Variants in SUMF1 observed in about 807,000 individuals in gnomAD.
SUMF1 encodes formylglycine-generating enzyme.
In SUMF1, 48 loss-of-function variants were observed where a neutral mutation model predicts 47.6. The ratio of observed to expected loss-of-function variants is 1.01; its 90% CI spans 0.80 to 1.28. The LOEUF (loss-of-function observed/expected upper bound fraction) is 1.28. Ranked by LOEUF, SUMF1 falls within the 50% of genes most tolerant of loss-of-function variation. The pLI, the probability that SUMF1 is intolerant of heterozygous loss-of-function variation, is 0.00. For synonymous variants in SUMF1, 230 were observed against 192.1 expected (o/e 1.20, Z -1.63); for missense variants, 571 against 485.4 (o/e 1.18, Z -1.66).
rs1428957786 is a variant in SUMF1, at chr3:4,091,085, A to G, written c.1015-22340T>C. Among the ~76,000 whole-genome samples the G allele has an allele frequency of 2.1e-5, 3 of 144,060 alleles. No homozygotes were observed. In the East Asian group the frequency reaches 6.1e-4, roughly 29 times the overall value. The allele number at this position is 144,060 out of a possible 152,430, so 94.5% of individuals were successfully genotyped here. On this transcript the variant is annotated intron_variant and NMD_transcript_variant, in intron 8 of 12. Coordinates refer to the SUMF1 transcript ENST00000448413. ...GACAGAACGAGACTCCATAAAAAAC[A>G]ACAACAACAACAAAAAAAAAAACAA...
At chr3:4,418,271 G>C (rs1309004030) in intron 4 of SUMF1, 139 bp from the exon 5 acceptor site, 3 of 1,288,758 alleles carry the variant, frequency 2.3e-6, no homozygotes. Flanking sequence ...TCAAACCCCA[G>C]CCATGCTACA....
At chr3:4,274,861 G>T (rs1319424551) in intron 8 of SUMF1, among the ~76,000 whole-genome samples, 1 of 152,194 alleles carries the variant, frequency 6.6e-6, no homozygotes, top group Non-Finnish European at 1.5e-5. Flanking sequence ...CAGCTGTCAA[G>T]ACAGTGTTTA....
intron 8 of SUMF1, among the ~76,000 whole-genome samples, chr3:4,222,256 T>C (rs1444190822): frequency 2.0e-5 from 3 of 152,090 alleles, no homozygotes; most frequent in African/African-American, 7.2e-5. Flanking sequence ...TATTTTAGCC[T>C]TAGAATCTCA....
chr3:4,395,224 C>G (rs1701003166), intron 7 of SUMF1, among the ~76,000 whole-genome samples: 2 of 152,166 alleles, frequency 1.3e-5, no homozygotes, highest in Non-Finnish European at 2.9e-5. Context: ...GCAGGCTTAT[C>G]TCACCCCCGT....
At chr3:4,390,715 T>A (rs2124926879) in intron 7 of SUMF1, among the ~76,000 whole-genome samples, 1 of 152,292 alleles carries the variant, frequency 6.6e-6, no homozygotes, top group South Asian at 2.1e-4. Context: ...CCTGAGTATC[T>A]GGGACTACAA....
chr3:4,212,239 C>T lies in SUMF1; in HGVS notation c.1015-143494G>A, dbSNP rs746064461. The stretch of plus-strand genomic sequence containing the variant: ...CAAAACTTCCAGAGGAAAGAACAGT[C>T]AGCAATCTTTGCTGTTCTGCAGCCT... On this transcript the variant is annotated intron_variant and NMD_transcript_variant, in intron 8 of 12. Transcript: ENST00000448413. Among the ~76,000 whole-genome samples, 67 of 152,262 alleles carry T rather than the reference C, an allele frequency of 4.4e-4. 1 individual carries two copies. Among genetic ancestry groups the T allele is most frequent in the Non-Finnish European group, 8.5e-4 (58 of 68,006 alleles).
At chr3:4,084,389 C>A (rs770411117) in intron 8 of SUMF1, among the ~76,000 whole-genome samples, 4 of 152,108 alleles carry the variant, frequency 2.6e-5, no homozygotes, top group Non-Finnish European at 5.9e-5. Context: ...TTCTGACCTG[C>A]CTGTGAGTTT....
chr3:4,450,966 T>TA (rs1365651388), intron 2 of SUMF1, among the ~76,000 whole-genome samples: 2 of 151,834 alleles, frequency 1.3e-5, no homozygotes, highest in Non-Finnish European at 2.9e-5. Flanking sequence ...AGAGTGCCAT[T>TA]AAAAAAACAG....
intron 8 of SUMF1, among the ~76,000 whole-genome samples, chr3:4,237,033 T>C (rs987069120): frequency 1.3e-5 from 2 of 152,136 alleles, no homozygotes; most frequent in Non-Finnish European, 2.9e-5. Context: ...CTTAGAAATA[T>C]GAGTTTAAGT....
chr3:4,194,816 A>G lies in SUMF1; in HGVS notation c.1015-126071T>C, dbSNP rs549561451. 4.6e-5 allele frequency among the ~76,000 whole-genome samples: 7 copies of G among 152,312 alleles called. No individual in the cohort carries two copies. The South Asian group carries it at 1.4e-3, about 32-fold the overall frequency. ...TTAATACGGTCAATACAGTTCCCAT[A>G]TAATACAGAATTTCGAACAATGTTA... On this transcript the variant is annotated intron_variant and NMD_transcript_variant, in intron 8 of 12. Transcript: ENST00000448413.
chr3:4,213,055 C>A (rs952543377), intron 8 of SUMF1, among the ~76,000 whole-genome samples: 1 of 152,104 alleles, frequency 6.6e-6, no homozygotes, highest in African/African-American at 2.4e-5. Flanking sequence ...TCAGGAAATA[C>A]AGAGAACACC....
chr3:4,182,241 G>A (rs186842210), intron 8 of SUMF1, among the ~76,000 whole-genome samples: 157 of 151,990 alleles, frequency 1.0e-3, no homozygotes, highest in African/African-American at 3.7e-3. Context: ...AGTGTCAAAT[G>A]AATTGTCATT....
intron 8 of SUMF1, among the ~76,000 whole-genome samples, chr3:4,135,730 C>T (rs1693909954): frequency 6.6e-6 from 1 of 152,278 alleles, no homozygotes; most frequent in East Asian, 1.9e-4. Context: ...AAAACCCCAT[C>T]ATCTCAGCCC....
chr3:4,152,655 T>C (rs1694363480), intron 8 of SUMF1, among the ~76,000 whole-genome samples: 1 of 151,368 alleles, frequency 6.6e-6, no homozygotes. Flanking sequence ...ATCTCATACA[T>C]GAGCTTCAAT....
chr3:4,313,450 A>G lies in SUMF1; in HGVS notation c.1014+62880T>C. On this transcript the variant is annotated intron_variant and NMD_transcript_variant, in intron 8 of 12. Coordinates refer to the SUMF1 transcript ENST00000448413. ...AAACCTTTTGATGATTCCTGTCCGA[A>G]TTGACTCAATGGTACCTAAGTTGGC... is the stretch of plus-strand genomic sequence containing the variant. 1.9e-6 allele frequency: 3 copies of G among 1,614,022 alleles called. No individual in the cohort carries two copies. The South Asian group carries it at 3.3e-5, about 18-fold the overall frequency.
chr3:4,148,272 C>T (rs763685822), intron 8 of SUMF1, among the ~76,000 whole-genome samples: 11 of 152,076 alleles, frequency 7.2e-5, no homozygotes, highest in Non-Finnish European at 1.5e-4. Context: ...GAATTTCTCA[C>T]CCAAGAGATG....
intron 8 of SUMF1, among the ~76,000 whole-genome samples, chr3:4,127,590 C>G (rs1252277961): frequency 6.6e-6 from 1 of 152,130 alleles, no homozygotes; most frequent in East Asian, 1.9e-4. Context: ...AGTTTTGGCG[C>G]TTGGACTGCC....
intron 9 of SUMF1, among the ~76,000 whole-genome samples, chr3:4,054,685 C>T (rs1235313275): frequency 6.6e-6 from 1 of 152,160 alleles, no homozygotes; most frequent in East Asian, 1.9e-4. Flanking sequence ...CAGATATCAA[C>T]TGAAGGTCTG....
intron 8 of SUMF1, among the ~76,000 whole-genome samples, chr3:4,081,153 C>T (rs779950258): frequency 6.6e-6 from 1 of 152,056 alleles, no homozygotes; most frequent in Admixed American, 6.5e-5. Flanking sequence ...GATAAAGAAA[C>T]TAAAGTTCAG....
Sources: gnomAD v4.1 joint callset for allele counts (sites outside exome capture counted in the v4.1 genomes callset) on GRCh38, gnomAD v4.1.1 for gene constraint, MANE v1.5 for transcripts, NCBI Gene and HGNC (gene_info 2026-07-23, HGNC 2026-07-21) for gene names.